The following MAPK10 variants were observed in gnomAD, a reference collection of about 807,000 sequenced individuals.
MAPK10 encodes mitogen-activated protein kinase 10.
Under a neutral mutation model 59.3 loss-of-function variants are expected in MAPK10, and 25 were observed. That is an observed-to-expected ratio of 0.42 (90% CI 0.31 to 0.59). The LOEUF (loss-of-function observed/expected upper bound fraction) is 0.59, where lower values mean the gene tolerates loss of function less well. Among genes scored for constraint, MAPK10 ranks in the 20% least tolerant of loss-of-function variants. MAPK10 has a pLI of 0.15. For synonymous variants in MAPK10, 190 were observed against 200.5 expected, an observed-to-expected ratio of 0.95 and a Z score of 0.44; for missense variants, 351 against 568.9, an observed-to-expected ratio of 0.62 and a Z score of 3.90.
At position 86,021,957 on chromosome 4, in the gene MAPK10, C is replaced by G. The variant is rs940074614; in HGVS notation, c.1253-4587G>C. Among the ~76,000 whole-genome samples the G allele has an allele frequency of 4.6e-5, 7 of 152,332 alleles. No homozygotes were observed. The South Asian group carries it at 1.0e-3, about 23-fold the overall frequency. On this transcript the variant is annotated intron_variant, in intron 13 of 13. Transcript: ENST00000641462. ...GCAACTCCAGCTGGCCCGCAAGCGCCGCACGCGGCCCGGGTTCCCGCTCGT... is the reference window on the plus strand; with the variant it reads ...GCAACTCCAGCTGGCCCGCAAGCGCGGCACGCGGCCCGGGTTCCCGCTCGT...
At chr4:86,556,005 T>C (rs560573620) in intron 1 of MAPK10, among the ~76,000 whole-genome samples, 7 of 152,316 alleles carry the variant, frequency 4.6e-5, no homozygotes, top group South Asian at 2.1e-4. Flanking sequence ...ATAATCTGTT[T>C]AGAGTATGAA....
rs1742103667 is a variant in MAPK10 at position 86,013,584 on chromosome 4, C to T, written c.*3644G>A. ...GCAATGAATATTTACAATTTTAAAA[C>T]AAATCAAGTTTGCTTATTTTTTTTT... On this transcript the variant is annotated 3_prime_UTR_variant, in exon 14 of 14. Transcript: ENST00000641462. 6.6e-6 allele frequency: 1 copy of T among 152,086 alleles called. No individual in the cohort carries two copies. Among genetic ancestry groups the T allele is most frequent in the Non-Finnish European group, 1.5e-5 (1 of 68,004 alleles). The allele number at this position is 152,086 out of a possible 1,614,324, so 9.4% of individuals were successfully genotyped here. A position where few individuals can be genotyped will look rare whatever the true frequency, so the allele number is the denominator to read the frequency against.
chr4:86,066,004 A>G (rs1389688929), intron 10 of MAPK10, among the ~76,000 whole-genome samples: 2 of 152,178 alleles, frequency 1.3e-5, no homozygotes, highest in Non-Finnish European at 1.5e-5. Flanking sequence ...GATTATTGGC[A>G]TATTTTTTCT....
intron 9 of MAPK10, among the ~76,000 whole-genome samples, chr4:86,070,150 T>C (rs900807597): frequency 2.0e-5 from 3 of 152,298 alleles, no homozygotes; most frequent in African/African-American, 4.8e-5. Context: ...AATAGTTAAA[T>C]GTTCATACTG....
intron 2 of MAPK10, among the ~76,000 whole-genome samples, chr4:86,232,349 C>T (rs907850163): frequency 6.6e-6 from 1 of 151,138 alleles, no homozygotes; most frequent in Non-Finnish European, 1.5e-5. Context: ...ATTAAAACAT[C>T]TTTGCAAAAA....
At chr4:86,121,920 A>G (rs941945617) in intron 4 of MAPK10, among the ~76,000 whole-genome samples, 11 of 152,070 alleles carry the variant, frequency 7.2e-5, no homozygotes, top group East Asian at 1.9e-4. Context: ...TCTATTCTCT[A>G]CTTCTCTAAA....
chr4:86,547,218 C>G (rs558894559), intron 1 of MAPK10, among the ~76,000 whole-genome samples: 1 of 152,184 alleles, frequency 6.6e-6, no homozygotes, highest in African/African-American at 2.4e-5. Flanking sequence ...CCCACTTTGG[C>G]GGCACCTGAG....
chr4:86,095,012 A>ATT (rs2053966597), intron 9 of MAPK10: 2 of 152,100 alleles, frequency 1.3e-5, no homozygotes, highest in African/African-American at 4.8e-5. Context: ...TATAGTGAAA[A>ATT]TTAAGTGTAT....
chr4:86,063,734 T>C (rs567245260), intron 11 of MAPK10, among the ~76,000 whole-genome samples: 1 of 152,218 alleles, frequency 6.6e-6, no homozygotes, highest in Non-Finnish European at 1.5e-5. Context: ...TACATCATAC[T>C]GATCAACCTG....
intron 11 of MAPK10, among the ~76,000 whole-genome samples, chr4:86,037,099 G>C (rs2040468674): frequency 6.6e-6 from 1 of 152,152 alleles, no homozygotes; most frequent in South Asian, 2.1e-4. Context: ...ACAGACAAGA[G>C]TAGAATTCTG....
intron 1 of MAPK10, among the ~76,000 whole-genome samples, chr4:86,502,293 A>C (rs974767308): frequency 6.6e-6 from 1 of 152,058 alleles, no homozygotes; most frequent in African/African-American, 2.4e-5. Context: ...ACCCATTCAG[A>C]ATATAATGGA....
intron 2 of MAPK10, among the ~76,000 whole-genome samples, chr4:86,280,353 G>T (rs1210338580): frequency 6.6e-6 from 1 of 152,108 alleles, no homozygotes; most frequent in Admixed American, 6.6e-5. Flanking sequence ...AGAAAAAAAT[G>T]CTCCACATCA....
chr4:86,524,109 C>T (rs1047765277), intron 1 of MAPK10, among the ~76,000 whole-genome samples: 13 of 152,174 alleles, frequency 8.5e-5, no homozygotes, highest in African/African-American at 1.2e-4. Context: ...GATCGTTGCA[C>T]GTACAAGCTC....
intron 2 of MAPK10, among the ~76,000 whole-genome samples, chr4:86,329,002 G>A (rs1309542612): frequency 2.0e-5 from 3 of 151,928 alleles, no homozygotes; most frequent in Admixed American, 6.6e-5. Context: ...CATGTATCCC[G>A]GGACTTAAAG....
chr4:86,214,671 T>A (rs1303236956), intron 2 of MAPK10, among the ~76,000 whole-genome samples: 1 of 151,682 alleles, frequency 6.6e-6, no homozygotes, highest in Non-Finnish European at 1.5e-5. Flanking sequence ...TACAATAGCA[T>A]CAGAAAGAAT....
chr4:86,194,089 C>A (rs1010437045), intron 3 of MAPK10: 1 of 471,582 alleles, frequency 2.1e-6, no homozygotes, highest in African/African-American at 2.0e-5. Flanking sequence ...ACTCTCTAAC[C>A]TTTCCCAGTG....
At chr4:86,346,733 G>T (rs1489705756) in intron 2 of MAPK10, among the ~76,000 whole-genome samples, 3 of 138,678 alleles carry the variant, frequency 2.2e-5, no homozygotes, top group African/African-American at 5.6e-5. Context: ...AGTTTGTTTG[G>T]AAAAAAAAAA....
intron 1 of MAPK10, among the ~76,000 whole-genome samples, chr4:86,424,446 C>T (rs1746999987): frequency 6.6e-6 from 1 of 152,150 alleles, no homozygotes; most frequent in South Asian, 2.1e-4. Context: ...CCCCTCGCCT[C>T]CCAAAGTGTT....
At chr4:86,192,019 T>C (rs1352170182) in intron 3 of MAPK10, 9 of 152,206 alleles carry the variant, frequency 5.9e-5, no homozygotes, top group Non-Finnish European at 2.9e-5. Flanking sequence ...TTATTTCTCC[T>C]TCACTTATGA....
Sources: allele counts gnomAD v4.1 joint callset (sites outside exome capture counted in the v4.1 genomes callset), GRCh38; gene constraint gnomAD v4.1.1; transcripts MANE v1.5; gene names NCBI Gene and HGNC (gene_info 2026-07-23, HGNC 2026-07-21).